Variants in ANO10 observed in about 807,000 individuals in gnomAD.
The protein encoded by ANO10 is anoctamin-10.
ANO10 carries 77 observed loss-of-function variants against 74.7 expected under a neutral mutation model. The ratio of observed to expected loss-of-function variants is 1.03; its 90% CI spans 0.86 to 1.25. The LOEUF (loss-of-function observed/expected upper bound fraction) is 1.25, where lower values mean the gene tolerates loss of function less well. ANO10 is among the 50% of genes most tolerant of loss of function. The probability of loss-of-function intolerance (pLI) is 0.00; values close to 1 mark genes in which losing one functional copy is unlikely to be tolerated. For missense variants in ANO10, 721 were observed against 778.1 expected (o/e 0.93, Z 0.87); for synonymous variants, 279 against 284.9 (o/e 0.98, Z 0.21).
intron 4 of ANO10, among the ~76,000 whole-genome samples, chr3:43,595,945 A>C (rs985982735): frequency 6.6e-6 from 1 of 152,222 alleles, no homozygotes; most frequent in African/African-American, 2.4e-5. Context: ...TGCAAAAATC[A>C]CAAGCATTCC....
intron 10 of ANO10, among the ~76,000 whole-genome samples, chr3:43,552,468 C>G (rs562328902): frequency 4.5e-4 from 69 of 151,916 alleles, no homozygotes; most frequent in Non-Finnish European, 8.2e-4. Context: ...TCAAACATAA[C>G]ATAGAAAACT....
At chr3:43,506,831 T>C (rs1019126041) in intron 11 of ANO10, among the ~76,000 whole-genome samples, 2 of 152,162 alleles carry the variant, frequency 1.3e-5, no homozygotes, top group African/African-American at 4.8e-5. Flanking sequence ...ACCCCCACCG[T>C]GGTACTTCCT....
upstream of ANO10, among the ~76,000 whole-genome samples, chr3:43,626,295 CT>C (rs776440890): frequency 0.028 from 3,818 of 135,608 alleles, 124 homozygotes; most frequent in African/African-American, 0.093. Flanking sequence ...ATGTTCTTCA[CT>C]TTTTTTTTTT....
chr3:43,459,466 A>C (rs1164965096), intron 11 of ANO10, among the ~76,000 whole-genome samples: 1 of 152,164 alleles, frequency 6.6e-6, no homozygotes, highest in African/African-American at 2.4e-5. Context: ...CTGGCAATGA[A>C]ACAAGGTTTC....
chr3:43,435,468 C>T (rs949596599), intron 11 of ANO10, among the ~76,000 whole-genome samples: 5 of 149,804 alleles, frequency 3.3e-5, no homozygotes, highest in African/African-American at 1.2e-4. Flanking sequence ...GAGATCGTGC[C>T]ACTGCACTCC....
chr3:43,509,457 A>C (rs1277131757), intron 11 of ANO10, among the ~76,000 whole-genome samples: 3 of 152,252 alleles, frequency 2.0e-5, no homozygotes, highest in African/African-American at 7.2e-5. Flanking sequence ...GTTCAGCATC[A>C]TTAGCCATCA....
intron 1 of ANO10, among the ~76,000 whole-genome samples, chr3:43,680,239 A>G (rs1237958140): frequency 6.6e-6 from 1 of 152,230 alleles, no homozygotes; most frequent in Non-Finnish European, 1.5e-5. Flanking sequence ...AGGAGTCCTT[A>G]AAGGACCTGA....
intron 12 of ANO10, among the ~76,000 whole-genome samples, chr3:43,429,487 CA>C (rs1412492314): frequency 6.6e-6 from 1 of 151,954 alleles, no homozygotes; most frequent in East Asian, 1.9e-4. Context: ...ATGTATGCAC[CA>C]GCCAGGAAGT....
At chr3:43,531,380 G>A (rs1272962736) in intron 11 of ANO10, among the ~76,000 whole-genome samples, 1 of 152,004 alleles carries the variant, frequency 6.6e-6, no homozygotes, top group East Asian at 1.9e-4. Context: ...AAATTATTTT[G>A]TGAGAATAAA....
intron 1 of ANO10, among the ~76,000 whole-genome samples, chr3:43,664,896 G>A (rs1016468321): frequency 2.0e-5 from 3 of 151,788 alleles, no homozygotes; most frequent in Admixed American, 6.6e-5. Flanking sequence ...TGGAGAGGTT[G>A]TGGAAAAATA....
intron 11 of ANO10, among the ~76,000 whole-genome samples, chr3:43,525,004 G>A (rs2078126651): frequency 6.6e-6 from 1 of 152,094 alleles, no homozygotes; most frequent in Non-Finnish European, 1.5e-5. Flanking sequence ...TCCATGCTGG[G>A]TATGAGTGAG....
chr3:43,578,524 C>A (rs57223361), intron 5 of ANO10, among the ~76,000 whole-genome samples: 1 of 151,944 alleles, frequency 6.6e-6, no homozygotes, highest in African/African-American at 2.4e-5. Context: ...CCAAGGCGGG[C>A]GAATCACCTG....
intron 12 of ANO10, among the ~76,000 whole-genome samples, chr3:43,404,187 T>C (rs1181456316): frequency 3.3e-5 from 5 of 152,198 alleles, no homozygotes; most frequent in Admixed American, 3.3e-4. Flanking sequence ...CCAGAGACTC[T>C]GAGCAGAGAG....
intron 2 of ANO10, among the ~76,000 whole-genome samples, chr3:43,602,856 T>G (rs1225669675): frequency 1.3e-5 from 2 of 152,208 alleles, no homozygotes; most frequent in Non-Finnish European, 2.9e-5. Flanking sequence ...ATTGTTCAGA[T>G]GACTCCTTTG....
In ANO10 at chr3:43,576,717, A is replaced by C. The variant is rs1451311121; in HGVS notation, c.1137T>G (p.Tyr379Ter). The change falls in exon 6 of 13, where the codon TAT becomes TAG. Residue 379 changes from tyrosine (Y) to a stop codon, truncating the protein, a stop_gained. Transcript: ENST00000292246. LOFTEE classifies it high-confidence loss of function. ...VIEIMNRLYR[Y>*]AAEFLTSWEN... The stretch of plus-strand genomic sequence containing the variant: ...CCCATGAAGTTAAAAACTCGGCAGC[A>C]TATCGATAGAGACGATTCATGATCT... 6.2e-7 allele frequency: 1 copy of C among 1,614,092 alleles called. No individual in the cohort carries two copies. The highest frequency in any genetic ancestry group is 8.5e-7 in the Non-Finnish European group (1 of 1,180,048).
At chr3:43,622,023 C>A, upstream of ANO10, 1 of 152,548 alleles carries the variant, frequency 6.6e-6, no homozygotes, top group Non-Finnish European at 1.5e-5. Context: ...GGGCGGGCGC[C>A]GCCGAGCGCT....
At chr3:43,517,689 T>C (rs900795484) in intron 11 of ANO10, among the ~76,000 whole-genome samples, 2 of 152,130 alleles carry the variant, frequency 1.3e-5, no homozygotes, top group Non-Finnish European at 2.9e-5. Context: ...GGATTTTTGT[T>C]CTTTAAGCTA....
chr3:43,555,709 A>G (rs1284415616), intron 9 of ANO10, among the ~76,000 whole-genome samples: 4 of 152,190 alleles, frequency 2.6e-5, no homozygotes, highest in Non-Finnish European at 5.9e-5. Flanking sequence ...AATCATAAGC[A>G]TTAATATTTT....
At chr3:43,685,219 ATAT>A (rs2084259929) in intron 1 of ANO10, among the ~76,000 whole-genome samples, 1 of 151,978 alleles carries the variant, frequency 6.6e-6, no homozygotes, top group South Asian at 2.1e-4. Context: ...TCCATTTCTG[ATAT>A]TGTTCATTTT....
Sources: gnomAD v4.1 joint callset for allele counts (sites outside exome capture counted in the v4.1 genomes callset) on GRCh38, gnomAD v4.1.1 for gene constraint, MANE v1.5 for transcripts, NCBI Gene and HGNC (gene_info 2026-07-23, HGNC 2026-07-21) for gene names.